The following DPF3 variants were observed in gnomAD, a reference collection of about 807,000 sequenced individuals.
DPF3 encodes the protein zinc finger protein DPF3.
In DPF3, 18 loss-of-function variants were observed where a neutral mutation model predicts 56.8. The observed-to-expected ratio is 0.32, with a 90% CI of 0.22 to 0.47. DPF3 has a LOEUF of 0.47. Among genes scored for constraint, DPF3 ranks in the 20% least tolerant of loss-of-function variants. DPF3 has a pLI of 1.00. For missense variants in DPF3, 403 were observed against 488.8 expected, an observed-to-expected ratio of 0.82 and a Z score of 1.65; for synonymous variants, 188 against 180.2, an observed-to-expected ratio of 1.04 and a Z score of -0.35.
At chr14:72,695,702 G>A (rs577485224) in intron 6 of DPF3, among the ~76,000 whole-genome samples, 124 of 152,248 alleles carry the variant, frequency 8.1e-4, no homozygotes, top group African/African-American at 2.9e-3. Flanking sequence ...CCAAAAGGGG[G>A]AAGGGAAGGA....
At chr14:72,892,951 G>T (rs552930741) in intron 1 of DPF3, among the ~76,000 whole-genome samples, 1 of 8,180 alleles carries the variant, frequency 1.2e-4, no homozygotes, top group Non-Finnish European at 1.9e-4. Flanking sequence ...CTGGAAGGAA[G>T]GAAGGAAGGA....
chr14:72,639,108 C>A (rs1003121675), intron 8 of DPF3, among the ~76,000 whole-genome samples: 4 of 152,194 alleles, frequency 2.6e-5, no homozygotes, highest in Non-Finnish European at 4.4e-5. Flanking sequence ...TGAGCCAGTG[C>A]GCCATTTTTA....
intron 8 of DPF3, among the ~76,000 whole-genome samples, chr14:72,643,824 A>G (rs1241665468): frequency 6.6e-6 from 1 of 152,004 alleles, no homozygotes; most frequent in Admixed American, 6.6e-5. Context: ...AGTGTTCCCC[A>G]CTCACCTTGT....
intron 1 of DPF3, among the ~76,000 whole-genome samples, chr14:72,857,434 T>G (rs1033822558): frequency 6.6e-6 from 1 of 152,182 alleles, no homozygotes; most frequent in Non-Finnish European, 1.5e-5. Context: ...GGGTTTGAAC[T>G]TCCTTTGAGT....
At chr14:72,741,709 T>G (rs1397778406) in intron 3 of DPF3, among the ~76,000 whole-genome samples, 3 of 152,226 alleles carry the variant, frequency 2.0e-5, no homozygotes, top group Non-Finnish European at 4.4e-5. Flanking sequence ...GTGCCAAGCC[T>G]CATGCTGGGT....
At chr14:72,734,705 C>T (rs949503758) in intron 3 of DPF3, among the ~76,000 whole-genome samples, 2 of 152,120 alleles carry the variant, frequency 1.3e-5, no homozygotes, top group Non-Finnish European at 2.9e-5. Flanking sequence ...AGATGCGTCA[C>T]CCGAGACCCT....
chr14:72,756,869 AAAGGAAGG>A (rs1272768857), intron 2 of DPF3, among the ~76,000 whole-genome samples: 2 of 95,594 alleles, frequency 2.1e-5, no homozygotes, highest in Non-Finnish European at 4.1e-5. Flanking sequence ...AGAAAGAAAG[AAAGGAAGG>A]AAAGAAGGAA....
intron 1 of DPF3, among the ~76,000 whole-genome samples, chr14:72,804,877 T>C (rs1882675933): frequency 6.6e-6 from 1 of 152,206 alleles, no homozygotes; most frequent in Non-Finnish European, 1.5e-5. Flanking sequence ...TCTGAATTCT[T>C]ATATCACAGC....
At chr14:72,891,407 T>C (rs1365403117) in intron 1 of DPF3, among the ~76,000 whole-genome samples, 1 of 150,874 alleles carries the variant, frequency 6.6e-6, no homozygotes, top group South Asian at 2.1e-4. Flanking sequence ...GAGGGACACA[T>C]GAGGATAAAA....
chr14:72,679,539 G>A (rs962210005), intron 7 of DPF3, among the ~76,000 whole-genome samples: 9 of 152,184 alleles, frequency 5.9e-5, no homozygotes, highest in Admixed American at 2.6e-4. Context: ...TGGGGAATTC[G>A]GGGGCAGTGA....
At chr14:72,795,034 T>C (rs2052142) in intron 1 of DPF3, among the ~76,000 whole-genome samples, 147,190 of 152,102 alleles carry the variant, frequency 0.97, 71,238 homozygotes, top group East Asian at 1. Flanking sequence ...AATCTCCTCA[T>C]CTCAAAGTCC....
chr14:72,738,997 T>G (rs775675882), intron 3 of DPF3, among the ~76,000 whole-genome samples: 2 of 152,174 alleles, frequency 1.3e-5, no homozygotes, highest in East Asian at 1.9e-4. Context: ...TCCCAATATT[T>G]TGGGAGGCGA....
At chr14:72,878,997 G>T (rs1886220586) in intron 1 of DPF3, among the ~76,000 whole-genome samples, 2 of 152,232 alleles carry the variant, frequency 1.3e-5, no homozygotes, top group Non-Finnish European at 2.9e-5. Context: ...GCAAACTTGG[G>T]CAGCAGAGCA....
intron 1 of DPF3, among the ~76,000 whole-genome samples, chr14:72,787,548 T>C (rs1478296312): frequency 6.6e-6 from 1 of 152,170 alleles, no homozygotes; most frequent in Admixed American, 6.5e-5. Flanking sequence ...ATAGAAAGGT[T>C]TACTAGTGTC....
chr14:72,764,558 G>A (rs1462893980), intron 2 of DPF3, among the ~76,000 whole-genome samples: 4 of 128,162 alleles, frequency 3.1e-5, no homozygotes, highest in Non-Finnish European at 6.2e-5. Flanking sequence ...GCACGAACTC[G>A]GCTCACTGCA....
In DPF3 at chr14:72,677,055, C is replaced by T. The variant is rs577511556; in HGVS notation, c.743-2687G>A. On this transcript the variant is annotated intron_variant, in intron 7 of 10. Coordinates refer to ENST00000556509, the MANE Select transcript of DPF3 (RefSeq NM_001280542.3). ...TCATCTGAAAAAGGGAAGCTTCTGA[C>T]GAGATGGAGTCTGAGCAGCATCCTG... Among the ~76,000 whole-genome samples, 32 of 152,246 alleles carry T rather than the reference C, an allele frequency of 2.1e-4. No homozygotes were observed. The East Asian group carries it at 2.5e-3, about 12-fold the overall frequency.
In DPF3 at chr14:72,616,561, G is replaced by T. The variant is rs1041100118; in HGVS notation, c.*2736C>A. Among the ~76,000 whole-genome samples, 12 of 152,178 alleles carry T rather than the reference G, an allele frequency of 7.9e-5. No individual in the cohort carries two copies. The highest frequency in any genetic ancestry group is 1.2e-4 in the Non-Finnish European group (8 of 68,042). ...GTTCTTCCCAGACAAGCATGGCTCT[G>T]CAGTGCTTGTTTATGTAACATGATG... On this transcript the variant is annotated 3_prime_UTR_variant, in exon 11 of 11. Transcript: ENST00000556509.
chr14:72,792,605 C>A (rs929570347), intron 1 of DPF3, among the ~76,000 whole-genome samples: 2 of 152,118 alleles, frequency 1.3e-5, no homozygotes, highest in Admixed American at 1.3e-4. Flanking sequence ...GACCTTGGTC[C>A]ACATGACTGC....
chr14:72,631,907 CTGA>C (rs1239653994), intron 8 of DPF3, among the ~76,000 whole-genome samples: 3 of 152,202 alleles, frequency 2.0e-5, no homozygotes, highest in Admixed American at 6.5e-5. Flanking sequence ...GATCTTTAAG[CTGA>C]TATGTGTCAG....
Sources: allele counts gnomAD v4.1 joint callset (sites outside exome capture counted in the v4.1 genomes callset), GRCh38; gene constraint gnomAD v4.1.1; transcripts MANE v1.5; gene names NCBI Gene and HGNC (gene_info 2026-07-23, HGNC 2026-07-21).